FGF12: variants seen among roughly 807,000 people sequenced by gnomAD.
FGF12 encodes the protein fibroblast growth factor 12, also known as fibroblast growth factor 12B.
Under a neutral mutation model 23.6 loss-of-function variants are expected in FGF12, and 14 were observed. The observed-to-expected ratio is 0.59, with a 90% CI of 0.39 to 0.93. The LOEUF (loss-of-function observed/expected upper bound fraction) is 0.93. FGF12 is among the 40% of genes least tolerant of loss of function. FGF12 has a pLI of 0.00. For synonymous variants in FGF12, 62 were observed against 77.3 expected (o/e 0.80, Z 1.04); for missense variants, 175 against 217.8 (o/e 0.80, Z 1.24).
intron 4 of FGF12, among the ~76,000 whole-genome samples, chr3:192,271,333 A>G (rs929564342): frequency 1.2e-4 from 18 of 152,180 alleles, no homozygotes; most frequent in African/African-American, 4.3e-4. Context: ...TTCTGAGTCG[A>G]CATAAGTATC....
intron 4 of FGF12, among the ~76,000 whole-genome samples, chr3:192,315,474 T>C (rs1201430880): frequency 6.6e-6 from 1 of 152,190 alleles, no homozygotes; most frequent in Non-Finnish European, 1.5e-5. Context: ...CTGAAGGTTA[T>C]GAAAGTCCTG....
chr3:192,426,158 T>C (rs2366665), intron 2 of FGF12, among the ~76,000 whole-genome samples: 92,151 of 151,848 alleles, frequency 0.61, 28,445 homozygotes, highest in African/African-American at 0.72. Flanking sequence ...TTTGGTGTTG[T>C]TATTACCATT....
intron 2 of FGF12, among the ~76,000 whole-genome samples, chr3:192,500,398 G>T (rs1724099213): frequency 6.6e-6 from 1 of 152,052 alleles, no homozygotes; most frequent in African/African-American, 2.4e-5. Flanking sequence ...ACCATTCTCA[G>T]TTTGTCCCTG....
At chr3:192,557,047 C>T (rs1311792779) in intron 2 of FGF12, among the ~76,000 whole-genome samples, 2 of 151,638 alleles carry the variant, frequency 1.3e-5, no homozygotes, top group African/African-American at 2.4e-5. Flanking sequence ...GTATGGGATG[C>T]ATCAAAAGCA....
At chr3:192,446,117 C>T (rs554342051) in intron 2 of FGF12, among the ~76,000 whole-genome samples, 8 of 152,262 alleles carry the variant, frequency 5.3e-5, no homozygotes, top group Non-Finnish European at 1.0e-4. Flanking sequence ...CGAATTCATG[C>T]CTGTCATTTG....
chr3:192,140,150 A>G lies in FGF12; in HGVS notation c.*3859T>C, dbSNP rs897653142. On this transcript the variant is annotated 3_prime_UTR_variant, in exon 6 of 6. Transcript: ENST00000445105. ...TATTTTTGATTACCTATGACTAAAG[A>G]CCACAAATCAAATAAAAACTCATAT... The G allele has an allele frequency of 6.6e-6, 1 of 152,086 alleles. No individual in the cohort carries two copies. 9.4% of individuals were successfully genotyped at this position (152,086 alleles called of 1,614,324 possible).
chr3:192,372,740 A>G (rs529051439), intron 2 of FGF12, among the ~76,000 whole-genome samples: 4 of 152,318 alleles, frequency 2.6e-5, no homozygotes, highest in East Asian at 3.9e-4. Flanking sequence ...ATATTTTACA[A>G]TATAAATTGG....
chr3:192,571,779 A>G (rs912116538), intron 2 of FGF12, among the ~76,000 whole-genome samples: 1 of 152,146 alleles, frequency 6.6e-6, no homozygotes, highest in African/African-American at 2.4e-5. Flanking sequence ...TCAAAGCCAC[A>G]TCACCAACTT....
chr3:192,416,355 GTAGAT>G (rs1721351661), intron 2 of FGF12, among the ~76,000 whole-genome samples: 1 of 152,140 alleles, frequency 6.6e-6, no homozygotes, highest in Admixed American at 6.5e-5. Context: ...GCAATTTAGA[GTAGAT>G]AAGTTGTCCT....
In FGF12 at chr3:192,166,130, C is replaced by G. The variant is rs535537531; in HGVS notation, c.427+4328G>C. Among the ~76,000 whole-genome samples the G allele has an allele frequency of 5.3e-5, 8 of 152,318 alleles. No individual in the cohort carries two copies. In the South Asian group the frequency reaches 1.7e-3, roughly 32 times the overall value. On this transcript the variant is annotated intron_variant, in intron 5 of 5. Coordinates refer to ENST00000445105, the MANE Select transcript of FGF12 (RefSeq NM_004113.6). The stretch of plus-strand genomic sequence containing the variant: ...ATGTCCAGTGGATTAATGCCTGACA[C>G]AACCTCAAGTGTACATATCTTTGAT...
chr3:192,490,401 A>G (rs1369246165), intron 2 of FGF12, among the ~76,000 whole-genome samples: 2 of 152,132 alleles, frequency 1.3e-5, no homozygotes, highest in African/African-American at 4.8e-5. Context: ...TCAATAAGAA[A>G]TGCATATATA....
intron 2 of FGF12, among the ~76,000 whole-genome samples, chr3:192,604,831 A>G (rs1714270225): frequency 1.3e-5 from 2 of 152,196 alleles, no homozygotes; most frequent in Admixed American, 6.5e-5. Flanking sequence ...AGTAACTAAA[A>G]CAGCATAGTA....
At chr3:192,477,802 T>C (rs1723369100) in intron 2 of FGF12, among the ~76,000 whole-genome samples, 1 of 152,238 alleles carries the variant, frequency 6.6e-6, no homozygotes, top group South Asian at 2.1e-4. Context: ...AATGATAGTT[T>C]AATATGCTGT....
chr3:192,408,377 G>A lies in FGF12; in HGVS notation c.14-47839C>T, dbSNP rs2108776330. On this transcript the variant is annotated intron_variant, in intron 2 of 5. Transcript: ENST00000445105. This position sits in a 1 kb window ranked among gnomAD's most constrained non-coding sequence, Gnocchi z 7.3. The stretch of plus-strand genomic sequence containing the variant: ...GAGGCTGCAGTATCGAAAACCCGGC[G>A]CTCACAAGGTTAGTCAAAGTCTGGG... 1.4e-6 allele frequency: 2 copies of A among 1,419,216 alleles called. No individual in the cohort carries two copies. The highest frequency in any genetic ancestry group is 3.0e-5 in the Admixed American group (1 of 33,190). 87.9% of individuals were successfully genotyped at this position (1,419,216 alleles called of 1,614,324 possible).
At chr3:192,515,774 A>G (rs997170655) in intron 2 of FGF12, among the ~76,000 whole-genome samples, 1 of 151,878 alleles carries the variant, frequency 6.6e-6, no homozygotes, top group African/African-American at 2.4e-5. Context: ...CCCGATGACC[A>G]AACAGCTTCT....
At chr3:192,692,782 TA>T (rs1324405988) in intron 2 of FGF12, among the ~76,000 whole-genome samples, 1 of 150,382 alleles carries the variant, frequency 6.6e-6, no homozygotes, top group Non-Finnish European at 1.5e-5. Context: ...CGTTTCATGA[TA>T]AAAACTCACA....
intron 2 of FGF12, among the ~76,000 whole-genome samples, chr3:192,363,315 T>A (rs1176763469): frequency 6.6e-6 from 1 of 152,052 alleles, no homozygotes; most frequent in Non-Finnish European, 1.5e-5. Flanking sequence ...CTGTGAATGA[T>A]TGTTTGTTTT....
chr3:192,410,537 TTC>T (rs1215603511), intron 2 of FGF12, among the ~76,000 whole-genome samples: 1 of 152,194 alleles, frequency 6.6e-6, no homozygotes, highest in Non-Finnish European at 1.5e-5. Flanking sequence ...GCACGTAGAA[TTC>T]TCTGTTTAGT....
chr3:192,691,707 T>C (rs1717948120), intron 2 of FGF12, among the ~76,000 whole-genome samples: 1 of 151,722 alleles, frequency 6.6e-6, no homozygotes, highest in Admixed American at 6.6e-5. Context: ...ATAAATCAAA[T>C]AGAAACTAGA....
Sources: gnomAD v4.1 joint callset for allele counts (sites outside exome capture counted in the v4.1 genomes callset) on GRCh38, gnomAD v4.1.1 for gene constraint, Gnocchi (gnomAD v3.1) non-coding constraint, MANE v1.5 for transcripts, NCBI Gene and HGNC (gene_info 2026-07-23, HGNC 2026-07-21) for gene names.